DNAJC3: variants seen among roughly 807,000 people sequenced by gnomAD.
DNAJC3 encodes the protein DnaJ heat shock protein family (Hsp40) member C3.
In DNAJC3, 38 loss-of-function variants were observed where a neutral mutation model predicts 68.6. The observed-to-expected ratio is 0.55, with a 90% CI of 0.43 to 0.73. The LOEUF (loss-of-function observed/expected upper bound fraction) is 0.73. DNAJC3 is among the 30% of genes least tolerant of loss of function. DNAJC3 has a pLI of 0.00. For missense variants in DNAJC3, 526 were observed against 591.9 expected (o/e 0.89, Z 1.16); for synonymous variants, 203 against 204.0 (o/e 1.00, Z 0.04).
intron 4 of DNAJC3, among the ~76,000 whole-genome samples, chr13:95,753,628 CAAAG>C (rs1171980338): frequency 6.6e-6 from 1 of 152,118 alleles, no homozygotes; most frequent in Non-Finnish European, 1.5e-5. Context: ...TCAGAGAAGT[CAAAG>C]AAAGGTTCTA....
chr13:95,781,559 A>G (rs1594027832), intron 9 of DNAJC3, among the ~76,000 whole-genome samples: 3 of 152,170 alleles, frequency 2.0e-5, no homozygotes, highest in African/African-American at 7.2e-5. Context: ...CTTCGGTGGC[A>G]AGGAGGGTAG....
chr13:95,709,756 C>T (rs1315265880), intron 2 of DNAJC3, among the ~76,000 whole-genome samples: 1 of 151,490 alleles, frequency 6.6e-6, no homozygotes, highest in Non-Finnish European at 1.5e-5. Flanking sequence ...TCTCCTGCCT[C>T]AGCCTCCCGA....
At chr13:95,681,554 A>G (rs138668609) in intron 1 of DNAJC3, among the ~76,000 whole-genome samples, 239 of 151,990 alleles carry the variant, frequency 1.6e-3, no homozygotes, top group African/African-American at 5.3e-3. Flanking sequence ...AGGGTCTTCT[A>G]TGTTGCCCAG....
chr13:95,687,797 T>A (rs1228352707), intron 1 of DNAJC3, among the ~76,000 whole-genome samples: 2 of 152,192 alleles, frequency 1.3e-5, no homozygotes, highest in African/African-American at 4.8e-5. Context: ...ATATATATAT[T>A]TTTAATTCTG....
chr13:95,763,920 G>A lies in DNAJC3; in HGVS notation c.1042G>A (p.Glu348Lys). 1 of 1,614,070 alleles carries A rather than the reference G, an allele frequency of 6.2e-7. No individual in the cohort carries two copies. The highest frequency in any genetic ancestry group is 1.7e-4 in the Middle Eastern group (1 of 6,060). Reference sequence around the variant, plus strand: ...TGTGAATGCCCTGAAAGATCGAGCAGAGGCCTATTTGATAGAGGAAATGTA... The same window carrying A: ...TGTGAATGCCCTGAAAGATCGAGCAAAGGCCTATTTGATAGAGGAAATGTA... ...DNVNALKDRA[E>K]AYLIEEMYDE... The change falls in exon 9 of 12, where the codon GAG becomes AAG. Residue 348 changes from glutamate (E) to lysine (K), a missense_variant. By Grantham distance (56) the Glu-to-Lys change is moderately conservative (BLOSUM62 1). Transcript: ENST00000602402.
intron 1 of DNAJC3, among the ~76,000 whole-genome samples, chr13:95,681,815 C>T (rs1475115296): frequency 2.6e-5 from 4 of 152,230 alleles, no homozygotes; most frequent in African/African-American, 9.6e-5. Flanking sequence ...TCCTCTCTCC[C>T]CTACCTCATT....
rs1191609072 is a variant in DNAJC3, at chr13:95,773,152, GT to G, written c.1075+9215del. Among the ~76,000 whole-genome samples the G allele has an allele frequency of 1.4e-3, 137 of 97,812 alleles. 1 individual carries two copies. Among genetic ancestry groups the G allele is most frequent in the East Asian group, 5.8e-3 (20 of 3,450 alleles). 64.2% of individuals were successfully genotyped at this position (97,812 alleles called of 152,430 possible). A position where few individuals can be genotyped will look rare whatever the true frequency, so the allele number is the denominator to read the frequency against. On this transcript the variant is annotated intron_variant, in intron 9 of 11. Transcript: ENST00000602402. ...GGTAGGATGGTTTTTGACAAATTTAGTTTTTTTTTTTTTTTTCATTTTGTTT... is the reference window on the plus strand; with the variant it reads ...GGTAGGATGGTTTTTGACAAATTTAGTTTTTTTTTTTTTTTCATTTTGTTT...
At chr13:95,772,821 T>C (rs895334615) in intron 9 of DNAJC3, among the ~76,000 whole-genome samples, 1 of 152,232 alleles carries the variant, frequency 6.6e-6, no homozygotes, top group South Asian at 2.1e-4. Context: ...AATCAACCTT[T>C]AATTATTGGG....
At chr13:95,705,746 C>T (rs1259354641) in intron 1 of DNAJC3, among the ~76,000 whole-genome samples, 2 of 152,012 alleles carry the variant, frequency 1.3e-5, no homozygotes, top group Admixed American at 6.6e-5. Flanking sequence ...ATTATGTTGC[C>T]CGGGCTGCTC....
chr13:95,717,819 C>T (rs969736782), intron 2 of DNAJC3, among the ~76,000 whole-genome samples: 9 of 152,172 alleles, frequency 5.9e-5, no homozygotes, highest in African/African-American at 2.2e-4. Flanking sequence ...ACTGTCAGTC[C>T]ATTAAACCTC....
At chr13:95,709,417 AAAAT>A in intron 2 of DNAJC3, 80 bp downstream of exon 2, 1 of 963,918 alleles carries the variant, frequency 1.0e-6, no homozygotes. Flanking sequence ...AATAACATTT[AAAAT>A]AAACATTATT....
chr13:95,722,851 T>C (rs1318459891), intron 2 of DNAJC3, among the ~76,000 whole-genome samples: 1 of 90,726 alleles, frequency 1.1e-5, no homozygotes, highest in Non-Finnish European at 2.1e-5. Context: ...CCGAAAAAGG[T>C]TATAAGTTGA....
intron 4 of DNAJC3, among the ~76,000 whole-genome samples, chr13:95,756,106 G>A (rs1241013352): frequency 2.0e-5 from 3 of 152,184 alleles, no homozygotes; most frequent in East Asian, 1.9e-4. Flanking sequence ...GTGCAAATAC[G>A]ATCCTGAAGA....
chr13:95,746,756 A>G (rs1335839715), intron 4 of DNAJC3, among the ~76,000 whole-genome samples: 2 of 152,236 alleles, frequency 1.3e-5, no homozygotes, highest in African/African-American at 4.8e-5. Context: ...GGATACAGCC[A>G]GGTGGATATG....
chr13:95,790,109 A>G (rs1177826294), intron 11 of DNAJC3, among the ~76,000 whole-genome samples: 1 of 152,146 alleles, frequency 6.6e-6, no homozygotes, highest in Non-Finnish European at 1.5e-5. Context: ...CTTTAGTTTA[A>G]TTAGATCTCA....
chr13:95,740,110 C>T (rs1324262131), intron 4 of DNAJC3, among the ~76,000 whole-genome samples: 1 of 152,202 alleles, frequency 6.6e-6, no homozygotes, highest in Non-Finnish European at 1.5e-5. Context: ...GGGTGCCTCC[C>T]AGTTAGGCTG....
intron 1 of DNAJC3, among the ~76,000 whole-genome samples, chr13:95,698,297 A>T (rs570938928): frequency 3.0e-4 from 46 of 152,128 alleles, no homozygotes; most frequent in Middle Eastern, 6.8e-3. Flanking sequence ...TGTGTACCTG[A>T]TCTTTGTTTA....
At chr13:95,784,125 C>G (rs116413623) in intron 9 of DNAJC3, among the ~76,000 whole-genome samples, 1 of 152,124 alleles carries the variant, frequency 6.6e-6, no homozygotes, top group Non-Finnish European at 1.5e-5. Context: ...TTAGCTGTTG[C>G]GAAGATGAGT....
chr13:95,694,549 C>G (rs939993060), intron 1 of DNAJC3: 19 of 152,646 alleles, frequency 1.2e-4, no homozygotes, highest in African/African-American at 4.6e-4. Flanking sequence ...AATCATTGTA[C>G]TTCAACTATA....
Sources: allele counts gnomAD v4.1 joint callset (sites outside exome capture counted in the v4.1 genomes callset), GRCh38; gene constraint gnomAD v4.1.1; transcripts MANE v1.5; gene names NCBI Gene and HGNC (gene_info 2026-07-23, HGNC 2026-07-21).